The following ADD1 variants were observed in gnomAD, a reference collection of about 807,000 sequenced individuals.
ADD1 encodes alpha-adducin.
A neutral mutation model predicts 80.5 loss-of-function variants in ADD1; 24 were observed. The observed-to-expected ratio is 0.30, with a 90% CI of 0.22 to 0.42. The LOEUF (loss-of-function observed/expected upper bound fraction) is 0.42, where lower values mean the gene tolerates loss of function less well. ADD1 is among the 10% of genes least tolerant of loss of function. The probability of loss-of-function intolerance (pLI) is 1.00; values close to 1 mark genes in which losing one functional copy is unlikely to be tolerated. For synonymous variants in ADD1, 373 were observed against 393.8 expected, an observed-to-expected ratio of 0.95 and a Z score of 0.63; for missense variants, 948 against 1,019.0, an observed-to-expected ratio of 0.93 and a Z score of 0.95.
intron 14 of ADD1, among the ~76,000 whole-genome samples, chr4:2,921,082 C>T (rs1416830210): frequency 2.0e-5 from 3 of 152,136 alleles, no homozygotes; most frequent in Non-Finnish European, 4.4e-5. Context: ...GTTTATTTCT[C>T]CTTCACTTAC....
intron 5 of ADD1, among the ~76,000 whole-genome samples, 176 bp from the exon 6 acceptor site, chr4:2,894,406 A>G (rs909571168): frequency 6.6e-6 from 1 of 151,940 alleles, no homozygotes; most frequent in African/African-American, 2.4e-5. Context: ...AAAAATACCA[A>G]AATTAGCTGG....
chr4:2,919,510 C>G (rs1739640536), intron 14 of ADD1, among the ~76,000 whole-genome samples: 1 of 152,160 alleles, frequency 6.6e-6, no homozygotes, highest in African/African-American at 2.4e-5. Flanking sequence ...ACCTCAATAT[C>G]AGAGCTTGTT....
chr4:2,922,281 G>A (rs549599762), intron 14 of ADD1, among the ~76,000 whole-genome samples: 27 of 152,224 alleles, frequency 1.8e-4, no homozygotes, highest in Middle Eastern at 6.8e-3. Context: ...ATTTATCTAC[G>A]TTTGGTCCTT....
At chr4:2,903,808 C>T (rs754099363) in intron 9 of ADD1, among the ~76,000 whole-genome samples, 4 of 152,096 alleles carry the variant, frequency 2.6e-5, no homozygotes, top group Non-Finnish European at 4.4e-5. Flanking sequence ...CAGAGGACAC[C>T]GTCCATGCCC....
At chr4:2,897,846 G>C (rs1477533953) in intron 6 of ADD1, among the ~76,000 whole-genome samples, 3 of 152,080 alleles carry the variant, frequency 2.0e-5, no homozygotes, top group Admixed American at 1.3e-4. Flanking sequence ...GAAATGCACT[G>C]AGTCCTCAGA....
intron 1 of ADD1, among the ~76,000 whole-genome samples, chr4:2,874,881 C>T (rs1040325284): frequency 2.2e-4 from 33 of 152,116 alleles, no homozygotes; most frequent in Non-Finnish European, 8.8e-5. Flanking sequence ...CACTCCAGAC[C>T]TAATGAATCT....
At chr4:2,873,759 C>T (rs914976861) in intron 1 of ADD1, among the ~76,000 whole-genome samples, 1 of 152,176 alleles carries the variant, frequency 6.6e-6, no homozygotes, top group African/African-American at 2.4e-5. Context: ...TTATTATTGG[C>T]TCAGAATGTT....
At chr4:2,916,341 A>T (rs917752358) in intron 14 of ADD1, among the ~76,000 whole-genome samples, 2 of 151,782 alleles carry the variant, frequency 1.3e-5, no homozygotes, top group Admixed American at 6.6e-5. Flanking sequence ...GACTACAGGC[A>T]TGCACCACCA....
At chr4:2,865,443 G>A (rs937783041) in intron 1 of ADD1, among the ~76,000 whole-genome samples, 3 of 152,156 alleles carry the variant, frequency 2.0e-5, no homozygotes, top group South Asian at 2.1e-4. Flanking sequence ...CAGCCTTTGC[G>A]TGTACAGAAT....
intron 8 of ADD1, chr4:2,898,941 C>G (rs1293116410): frequency 5.2e-6 from 2 of 384,902 alleles, no homozygotes; most frequent in Non-Finnish European, 4.7e-6. Flanking sequence ...TCCGCTCCGT[C>G]AGCCGTTAGT....
chr4:2,851,358 A>G (rs1727048746), intron 1 of ADD1, among the ~76,000 whole-genome samples: 1 of 152,234 alleles, frequency 6.6e-6, no homozygotes, highest in African/African-American at 2.4e-5. Flanking sequence ...GTGGTAAGCA[A>G]ACTTACAATG....
intron 1 of ADD1, chr4:2,854,704 T>G (rs1727810156): frequency 6.6e-6 from 1 of 152,228 alleles, no homozygotes; most frequent in South Asian, 2.1e-4. Context: ...AGCTTTGTTT[T>G]GTTTGGTGTT....
chr4:2,899,512 G>A (rs748555487), intron 9 of ADD1, 77 bp downstream of exon 9: 57 of 1,497,960 alleles, frequency 3.8e-5, no homozygotes, highest in Non-Finnish European at 4.6e-5. Context: ...CAGCAAGTGC[G>A]ATTGCTGTCT....
At chr4:2,896,996 G>A (rs1735356113) in intron 6 of ADD1, among the ~76,000 whole-genome samples, 1 of 152,144 alleles carries the variant, frequency 6.6e-6, no homozygotes, top group African/African-American at 2.4e-5. Context: ...CTGGCTTCAA[G>A]TGATCTGCCC....
intron 1 of ADD1, among the ~76,000 whole-genome samples, chr4:2,863,529 T>C (rs764579202): frequency 2.0e-5 from 3 of 152,192 alleles, no homozygotes; most frequent in Non-Finnish European, 2.9e-5. Flanking sequence ...TAAAAATCAT[T>C]GCAAGAAGCA....
rs1312308132 is a variant in ADD1, at chr4:2,928,697, G to A, written c.*174G>A. 2 of 631,504 alleles carry A rather than the reference G, an allele frequency of 3.2e-6. No homozygotes were observed. Among genetic ancestry groups the A allele is most frequent in the Non-Finnish European group, 5.3e-6 (2 of 375,346 alleles). The allele number at this position is 631,504 out of a possible 1,614,324, so 39.1% of individuals were successfully genotyped here. ...CCCGGGCTGACCCAGTGTGTGCTCA[G>A]CAGCCCCACCCCACCCTGCCCCTTG... On this transcript the variant is annotated 3_prime_UTR_variant, in exon 16 of 16. Coordinates refer to ENST00000683351, the MANE Select transcript of ADD1 (RefSeq NM_001354761.2).
intron 9 of ADD1, chr4:2,900,483 C>T (rs1735995900): frequency 6.6e-6 from 1 of 152,352 alleles, no homozygotes; most frequent in Non-Finnish European, 1.5e-5. Context: ...GGCCAGTATC[C>T]TTGTATGCTG....
chr4:2,885,835 C>T (rs12648249), intron 4 of ADD1, among the ~76,000 whole-genome samples: 64,102 of 151,594 alleles, frequency 0.42, 13,793 homozygotes, highest in East Asian at 0.51. Flanking sequence ...TGGTCTCGAT[C>T]TCCTGACCTT....
chr4:2,918,243 A>G (rs1337833900), intron 14 of ADD1, among the ~76,000 whole-genome samples: 1 of 152,184 alleles, frequency 6.6e-6, no homozygotes, highest in Non-Finnish European at 1.5e-5. Context: ...CATCCCTTGT[A>G]AGTTGTATTC....
Sources: allele counts gnomAD v4.1 joint callset (sites outside exome capture counted in the v4.1 genomes callset), GRCh38; gene constraint gnomAD v4.1.1; transcripts MANE v1.5; gene names NCBI Gene and HGNC (gene_info 2026-07-23, HGNC 2026-07-21).